POLR1B: variants seen among roughly 807,000 people sequenced by gnomAD.
POLR1B encodes the protein RNA polymerase I subunit B.
Under a neutral mutation model 105.8 loss-of-function variants are expected in POLR1B, and 30 were observed. That is an observed-to-expected ratio of 0.28 (90% CI 0.21 to 0.38). The LOEUF (loss-of-function observed/expected upper bound fraction) is 0.38, where lower values mean the gene tolerates loss of function less well. Ranked by LOEUF, POLR1B falls within the 10% of genes least tolerant of loss-of-function variation. The pLI, the probability that POLR1B is intolerant of heterozygous loss-of-function variation, is 1.00. For synonymous variants in POLR1B, 485 were observed against 505.1 expected (o/e 0.96, Z 0.53); for missense variants, 976 against 1,435.8 (o/e 0.68, Z 5.17).
At chr2:112,553,069 G>A (rs1683455940) in intron 7 of POLR1B, among the ~76,000 whole-genome samples, 1 of 152,128 alleles carries the variant, frequency 6.6e-6, no homozygotes, top group African/African-American at 2.4e-5. Flanking sequence ...AAAAGCAAAT[G>A]GCCTGTATTT....
upstream of POLR1B, chr2:112,542,153 T>C: frequency 6.5e-7 from 1 of 1,535,628 alleles, no homozygotes; most frequent in Non-Finnish European, 8.7e-7. Flanking sequence ...ACTGAGCCAA[T>C]GAGAGCCAAA....
rs202165074 is a variant in POLR1B, at chr2:112,547,580, G to T, written c.492+13G>T. On this transcript the variant is annotated intron_variant, in intron 3 of 14. Transcript: ENST00000263331. ...TGAGGAGGCAGAGGTAATGACGGGC[G>T]TCCAGGCATGAGACAGTAGAGAAGG... 2 of 1,612,932 alleles carry T rather than the reference G, an allele frequency of 1.2e-6. No homozygotes were observed. The highest frequency in any genetic ancestry group is 1.7e-6 in the Non-Finnish European group (2 of 1,179,470).
Position 112,557,952 on chromosome 2 carries a change from G to C in POLR1B, c.1201G>C (p.Asp401His), listed in dbSNP as rs1158396476. The change falls in exon 8 of 15, where the codon GAT becomes CAT. Residue 401 changes from aspartate (D) to histidine (H), a missense_variant. By Grantham distance (81) the Asp-to-His change is moderately conservative (BLOSUM62 -1). Coordinates refer to ENST00000263331, the MANE Select transcript of POLR1B (RefSeq NM_019014.6). Reference protein sequence around the residue: ...GWLVSIKIAFDKKAQKTSVSM... With the variant: ...GWLVSIKIAFHKKAQKTSVSM... The stretch of plus-strand genomic sequence containing the variant: ...GTTAGTGTCTATTAAAATAGCTTTT[G>C]ATAAGAAGGCTCAGAAGACCAGTGT... The C allele has an allele frequency of 1.4e-6, 2 of 1,396,750 alleles. No homozygotes were observed. The highest frequency in any genetic ancestry group is 3.0e-5 in the African/African-American group (2 of 67,722). The allele number at this position is 1,396,750 out of a possible 1,614,324, so 86.5% of individuals were successfully genotyped here. A position where few individuals can be genotyped will look rare whatever the true frequency, so the allele number is the denominator to read the frequency against.
At chr2:112,548,636 G>A (rs755800772) in intron 3 of POLR1B, among the ~76,000 whole-genome samples, 4 of 148,226 alleles carry the variant, frequency 2.7e-5, no homozygotes, top group Non-Finnish European at 3.0e-5. Flanking sequence ...TTTTTGAGAC[G>A]GAGTCTCCCT....
intron 7 of POLR1B, among the ~76,000 whole-genome samples, chr2:112,557,346 C>G (rs1417347389): frequency 6.6e-6 from 1 of 152,200 alleles, no homozygotes; most frequent in Non-Finnish European, 1.5e-5. Flanking sequence ...TTAGGCTTTT[C>G]ACTTAGTGTT....
At chr2:112,545,027 G>A (rs1448667911) in intron 1 of POLR1B, among the ~76,000 whole-genome samples, 3 of 152,152 alleles carry the variant, frequency 2.0e-5, no homozygotes, top group Non-Finnish European at 4.4e-5. Flanking sequence ...CGGCCTTCTT[G>A]TTTTAAGTTC....
intron 12 of POLR1B, among the ~76,000 whole-genome samples, chr2:112,571,304 G>A (rs1684577109): frequency 6.6e-6 from 1 of 152,124 alleles, no homozygotes; most frequent in African/African-American, 2.4e-5. Context: ...ATTGTATTAT[G>A]AACATTGCGA....
At position 112,575,485 on chromosome 2, in the gene POLR1B, A is replaced by G. The variant is rs752411717; in HGVS notation, c.3164A>G (p.His1055Arg). The change falls in exon 15 of 15, where the codon CAT becomes CGT. Residue 1055 changes from histidine (H) to arginine (R), a missense_variant. His to Arg is a conservative substitution (Grantham distance 29, BLOSUM62 0). Coordinates refer to ENST00000263331, the MANE Select transcript of POLR1B (RefSeq NM_019014.6). This position sits in a 1 kb window ranked among gnomAD's most constrained non-coding sequence, Gnocchi z 5.3. ...LLAHGTSFLLHDRLFNCSDRS... is the reference protein window; with the variant it reads ...LLAHGTSFLLRDRLFNCSDRS... ...GCTCATGGTACATCTTTTCTCCTTC[A>G]TGACCGCCTCTTCAACTGCTCAGAT... is the stretch of plus-strand genomic sequence containing the variant. 1 of 1,614,126 alleles carries G rather than the reference A, an allele frequency of 6.2e-7. No homozygotes were observed. The highest frequency in any genetic ancestry group is 8.5e-7 in the Non-Finnish European group (1 of 1,180,020).
chr2:112,552,009 T>A lies in POLR1B; in HGVS notation c.986+11T>A, dbSNP rs1179834872. 1.2e-6 allele frequency: 2 copies of A among 1,609,922 alleles called. No homozygotes were observed. Among genetic ancestry groups the A allele is most frequent in the Non-Finnish European group, 1.7e-6 (2 of 1,176,300 alleles). On this transcript the variant is annotated intron_variant, in intron 6 of 14. Coordinates refer to ENST00000263331, the MANE Select transcript of POLR1B (RefSeq NM_019014.6). ...GGAGTTCCTGTTTAAGTATGTGTGC[T>A]TTGTCTAAACTGTTTTTGGAGGGGC...
At chr2:112,559,665 A>C (rs767952505) in intron 9 of POLR1B, 91 bp downstream of exon 9, 3 of 1,467,998 alleles carry the variant, frequency 2.0e-6, no homozygotes, top group South Asian at 1.3e-5. Flanking sequence ...GAGTGTTGCT[A>C]TGTCGCCCAG....
intron 9 of POLR1B, among the ~76,000 whole-genome samples, chr2:112,563,493 C>T (rs1045135353): frequency 6.6e-6 from 1 of 152,180 alleles, no homozygotes; most frequent in African/African-American, 2.4e-5. Flanking sequence ...CAGTCAGTCC[C>T]CTCAAACCCT....
chr2:112,554,148 T>C (rs183929718), intron 7 of POLR1B, among the ~76,000 whole-genome samples: 8 of 151,490 alleles, frequency 5.3e-5, no homozygotes, highest in South Asian at 2.1e-4. Flanking sequence ...TTTATTTTAT[T>C]TTGAGACAGA....
intron 11 of POLR1B, 71 bp downstream of exon 11, chr2:112,568,208 T>C (rs1452528454): frequency 4.2e-6 from 6 of 1,426,366 alleles, no homozygotes; most frequent in Non-Finnish European, 5.8e-6. Context: ...GAGACTTAAC[T>C]CTTCCTTTTT....
At chr2:112,544,852 C>T (rs983716136) in intron 1 of POLR1B, among the ~76,000 whole-genome samples, 5 of 152,102 alleles carry the variant, frequency 3.3e-5, no homozygotes, top group Non-Finnish European at 7.4e-5. Flanking sequence ...ATGTGTCTGT[C>T]TTTTCAAAAT....
chr2:112,573,941 G>A, intron 14 of POLR1B, 126 bp downstream of exon 14: 1 of 1,160,920 alleles, frequency 8.6e-7, no homozygotes, highest in Non-Finnish European at 1.2e-6. Context: ...CCACCTCCCG[G>A]GCTCAAGCAA....
chr2:112,574,788 A>G, intron 14 of POLR1B, 59 bp from the exon 15 acceptor site: 1 of 1,436,772 alleles, frequency 7.0e-7, no homozygotes, highest in Non-Finnish European at 9.5e-7. Context: ...ATATCAATGA[A>G]ACTTATCTCC....
At chr2:112,560,921 T>A (rs1352661914) in intron 9 of POLR1B, among the ~76,000 whole-genome samples, 1 of 151,840 alleles carries the variant, frequency 6.6e-6, no homozygotes, top group Admixed American at 6.6e-5. Flanking sequence ...AAAAATTAGC[T>A]GGGTGTGGTG....
Position 112,576,715 on chromosome 2 carries a change from G to T in POLR1B, c.*986G>T, listed in dbSNP as rs1003525448. The stretch of plus-strand genomic sequence containing the variant: ...AGTCCCTGCTATTTGAGAGGCTGAG[G>T]TGGGAGGATCATTTGAGTGCAGGAG... On this transcript the variant is annotated 3_prime_UTR_variant, in exon 15 of 15. Coordinates refer to ENST00000263331, the MANE Select transcript of POLR1B (RefSeq NM_019014.6). 1.2e-4 allele frequency: 19 copies of T among 152,174 alleles called. No individual in the cohort carries two copies. The highest frequency in any genetic ancestry group is 4.6e-4 in the African/African-American group (19 of 41,424). 9.4% of individuals were successfully genotyped at this position (152,174 alleles called of 1,614,324 possible).
chr2:112,547,990 A>G (rs149720777), intron 3 of POLR1B, among the ~76,000 whole-genome samples: 1 of 152,256 alleles, frequency 6.6e-6, no homozygotes, highest in Non-Finnish European at 1.5e-5. Context: ...AGGCCTCACT[A>G]CAGTGAGCCA....
Sources: gnomAD v4.1 joint callset for allele counts (sites outside exome capture counted in the v4.1 genomes callset) on GRCh38, gnomAD v4.1.1 for gene constraint, Gnocchi (gnomAD v3.1) non-coding constraint, MANE v1.5 for transcripts, NCBI Gene and HGNC (gene_info 2026-07-23, HGNC 2026-07-21) for gene names.